The following MARCHF1 variants were observed in gnomAD, a reference collection of about 807,000 sequenced individuals.
MARCHF1 encodes the protein E3 ubiquitin-protein ligase MARCHF1.
Under a neutral mutation model 54.2 loss-of-function variants are expected in MARCHF1, and 40 were observed. That is an observed-to-expected ratio of 0.74 (90% CI 0.57 to 0.96). The LOEUF is 0.96. MARCHF1 is among the 40% of genes least tolerant of loss of function. MARCHF1 has a pLI of 0.00. For missense variants in MARCHF1, 586 were observed against 656.5 expected (o/e 0.89, Z 1.17); for synonymous variants, 236 against 236.3 (o/e 1.00, Z 0.01).
At chr4:164,119,978 CATT>C (rs1756030570) in intron 1 of MARCHF1, among the ~76,000 whole-genome samples, 1 of 151,758 alleles carries the variant, frequency 6.6e-6, no homozygotes, top group African/African-American at 2.4e-5. Context: ...ATCACTTATA[CATT>C]ATTTTTATGA....
intron 1 of MARCHF1, among the ~76,000 whole-genome samples, chr4:164,145,149 A>G (rs1729641541): frequency 6.6e-6 from 1 of 151,422 alleles, no homozygotes; most frequent in Admixed American, 6.6e-5. Context: ...GAATAGACCA[A>G]TAACAGGAGC....
intron 4 of MARCHF1, among the ~76,000 whole-genome samples, chr4:163,715,678 G>A (rs1290035670): frequency 1.3e-5 from 2 of 152,030 alleles, no homozygotes; most frequent in Admixed American, 1.3e-4. Flanking sequence ...CAAAAAAGAT[G>A]ATGAACTAAT....
intron 4 of MARCHF1, among the ~76,000 whole-genome samples, chr4:163,838,483 G>GA (rs945339811): frequency 6.6e-6 from 1 of 151,340 alleles, no homozygotes; most frequent in Admixed American, 6.6e-5. Flanking sequence ...CATGGATATG[G>GA]AAAAAAAACT....
At chr4:163,753,717 A>G (rs1162023555) in intron 4 of MARCHF1, among the ~76,000 whole-genome samples, 1 of 152,208 alleles carries the variant, frequency 6.6e-6, no homozygotes, top group Non-Finnish European at 1.5e-5. Flanking sequence ...CAATAGACAA[A>G]GAGCAAGCAA....
chr4:163,586,628 A>G (rs1740422467), intron 7 of MARCHF1, among the ~76,000 whole-genome samples: 1 of 152,218 alleles, frequency 6.6e-6, no homozygotes, highest in African/African-American at 2.4e-5. Flanking sequence ...ATGGAAGTCA[A>G]TTTTAATAGC....
At chr4:164,283,050 A>T (rs1301668190) in intron 1 of MARCHF1, among the ~76,000 whole-genome samples, 1 of 151,266 alleles carries the variant, frequency 6.6e-6, no homozygotes, top group Non-Finnish European at 1.5e-5. Flanking sequence ...ATGAGGCAAC[A>T]GTATTAACTT....
chr4:164,241,122 G>A (rs993269687), intron 1 of MARCHF1, among the ~76,000 whole-genome samples: 13 of 151,936 alleles, frequency 8.6e-5, no homozygotes, highest in South Asian at 2.1e-4. Flanking sequence ...CCCATGAATC[G>A]TACCAAGGAA....
At chr4:163,636,223 T>C (rs945952637) in intron 5 of MARCHF1, among the ~76,000 whole-genome samples, 8 of 151,800 alleles carry the variant, frequency 5.3e-5, no homozygotes, top group East Asian at 1.9e-4. Context: ...CTATTCAACA[T>C]AGTGTTGGAA....
At chr4:163,603,955 T>C (rs1258457364) in intron 7 of MARCHF1, among the ~76,000 whole-genome samples, 2 of 152,008 alleles carry the variant, frequency 1.3e-5, no homozygotes, top group African/African-American at 4.8e-5. Context: ...TGAATTTACC[T>C]CTCTCTCCAC....
At chr4:164,199,542 C>T (rs1731378508) in intron 1 of MARCHF1, among the ~76,000 whole-genome samples, 1 of 151,504 alleles carries the variant, frequency 6.6e-6, no homozygotes, top group African/African-American at 2.4e-5. Context: ...ACTCGGGAGG[C>T]TGAGGCAGGG....
chr4:163,552,894 A>G (rs995265329), intron 8 of MARCHF1, among the ~76,000 whole-genome samples: 13 of 152,092 alleles, frequency 8.5e-5, no homozygotes, highest in African/African-American at 2.4e-4. Context: ...TCAGCTGGGC[A>G]TGGTGGCGGG....
chr4:164,108,186 A>C (rs1205938859), intron 2 of MARCHF1, among the ~76,000 whole-genome samples: 1 of 152,128 alleles, frequency 6.6e-6, no homozygotes, highest in Admixed American at 6.6e-5. Context: ...AAGCAACTTT[A>C]TCTCCTTAGC....
intron 3 of MARCHF1, among the ~76,000 whole-genome samples, chr4:163,981,669 T>C (rs1330895442): frequency 2.6e-5 from 4 of 152,200 alleles, no homozygotes; most frequent in Non-Finnish European, 5.9e-5. Flanking sequence ...TGAGGGATTC[T>C]AAATCCATGC....
chr4:163,816,063 A>C (rs777700676), intron 4 of MARCHF1, among the ~76,000 whole-genome samples: 5 of 152,230 alleles, frequency 3.3e-5, no homozygotes, highest in Non-Finnish European at 7.3e-5. Context: ...CGGCAACCAT[A>C]TTGCATCAGA....
At chr4:163,620,602 CACACAGAGAGAGAGAGAGAGAGAG>C (rs1357962710) in intron 5 of MARCHF1, among the ~76,000 whole-genome samples, 1 of 97,940 alleles carries the variant, frequency 1.0e-5, no homozygotes, top group Non-Finnish European at 1.8e-5. Flanking sequence ...CACACACACA[CACACAGAGAGAGAGAGAGAGAGAG>C]AGAGAGAGAG....
chr4:164,225,374 C>A (rs1732222485), intron 1 of MARCHF1, among the ~76,000 whole-genome samples: 1 of 151,936 alleles, frequency 6.6e-6, no homozygotes, highest in Non-Finnish European at 1.5e-5. Context: ...TTTCTATTTG[C>A]CCATGATGTC....
chr4:164,208,664 A>C (rs2111110529), intron 1 of MARCHF1, among the ~76,000 whole-genome samples: 1 of 152,344 alleles, frequency 6.6e-6, no homozygotes, highest in South Asian at 2.1e-4. Flanking sequence ...TTTCAAGAGA[A>C]GAAAATGAGT....
At chr4:163,763,577 A>G (rs1159066477) in intron 4 of MARCHF1, among the ~76,000 whole-genome samples, 1 of 152,082 alleles carries the variant, frequency 6.6e-6, no homozygotes, top group Non-Finnish European at 1.5e-5. Context: ...TTACTGCTTT[A>G]GAGGGGTTTC....
intron 2 of MARCHF1, among the ~76,000 whole-genome samples, chr4:164,039,307 G>A (rs191512160): frequency 1.3e-5 from 2 of 152,040 alleles, no homozygotes; most frequent in East Asian, 1.9e-4. Flanking sequence ...GGAACTGCTT[G>A]CCTCAGAGTA....
Sources: gnomAD v4.1 joint callset for allele counts (sites outside exome capture counted in the v4.1 genomes callset) on GRCh38, gnomAD v4.1.1 for gene constraint, MANE v1.5 for transcripts, NCBI Gene and HGNC (gene_info 2026-07-23, HGNC 2026-07-21) for gene names.